Variants in KLRG1 observed in about 807,000 individuals in gnomAD.
The protein encoded by KLRG1 is killer cell lectin-like receptor subfamily G member 1.
KLRG1 carries 16 observed loss-of-function variants against 21.8 expected under a neutral mutation model. That is an observed-to-expected ratio of 0.73 (90% CI 0.50 to 1.11). The LOEUF (loss-of-function observed/expected upper bound fraction) is 1.11. Ranked by LOEUF, KLRG1 falls within the 50% of genes most tolerant of loss-of-function variation. The probability of loss-of-function intolerance (pLI) is 0.00; values close to 1 mark genes in which losing one functional copy is unlikely to be tolerated. For missense variants in KLRG1, 173 were observed against 218.3 expected (o/e 0.79, Z 1.31); for synonymous variants, 69 against 75.9 (o/e 0.91, Z 0.47).
the KLRG1 span, among the ~76,000 whole-genome samples, chr12:9,054,738 T>C: frequency 6.6e-6 from 1 of 152,188 alleles, no homozygotes; most frequent in Non-Finnish European, 1.5e-5. Flanking sequence ...CATTTAAAGT[T>C]GCAGTTTCTA....
chr12:9,161,090 A>C, the KLRG1 span: 2 of 1,600,142 alleles, frequency 1.2e-6, no homozygotes, highest in Admixed American at 3.4e-5. Context: ...GGGAGCTTCA[A>C]GGACAACTGC....
chr12:9,109,238 C>A, the KLRG1 span: 5 of 1,122,482 alleles, frequency 4.5e-6, no homozygotes, highest in Admixed American at 6.0e-5. Flanking sequence ...GCCACTGCTC[C>A]CGGAGAGAGT....
the KLRG1 span, among the ~76,000 whole-genome samples, chr12:9,091,015 TA>T: frequency 6.6e-6 from 1 of 152,256 alleles, no homozygotes; most frequent in East Asian, 1.9e-4. Context: ...TTTGAAGGGT[TA>T]TAAGGGCTAG....
the KLRG1 span, among the ~76,000 whole-genome samples, chr12:9,165,708 C>T: frequency 1.3e-5 from 2 of 152,198 alleles, no homozygotes; most frequent in Non-Finnish European, 2.9e-5. Flanking sequence ...AACAATTAGA[C>T]CACTGGATTA....
the KLRG1 span, among the ~76,000 whole-genome samples, chr12:9,108,407 TGAGCCACCACGCCGGGCCTG>T: frequency 6.6e-6 from 1 of 152,154 alleles, no homozygotes; most frequent in Admixed American, 6.5e-5. Flanking sequence ...ATTACAGGCG[TGAGCCACCACGCCGGGCCTG>T]TTTACTTTTT....
At chr12:9,107,857 A>G in the KLRG1 span, among the ~76,000 whole-genome samples, 1 of 151,652 alleles carries the variant, frequency 6.6e-6, no homozygotes, top group East Asian at 1.9e-4. Flanking sequence ...TTCTTTTATC[A>G]TTTCTTTTTT....
intron 1 of KLRG1, among the ~76,000 whole-genome samples, chr12:8,967,792 A>AT (rs777830125): frequency 3.9e-4 from 59 of 152,328 alleles, no homozygotes; most frequent in Non-Finnish European, 7.3e-4. Flanking sequence ...AGTAAAATGT[A>AT]TGAAAACGGC....
At chr12:9,023,679 A>T in the KLRG1 span, among the ~76,000 whole-genome samples, 6 of 150,788 alleles carry the variant, frequency 4.0e-5, no homozygotes, top group South Asian at 6.3e-4. Flanking sequence ...CCTCAGCCTC[A>T]CAGCTAGCTG....
the KLRG1 span, among the ~76,000 whole-genome samples, chr12:9,207,361 A>G: frequency 6.6e-6 from 1 of 152,202 alleles, no homozygotes; most frequent in African/African-American, 2.4e-5. Flanking sequence ...AGTTCTCACC[A>G]TTCTCTGGAA....
chr12:9,153,124 C>G, the KLRG1 span: 135 of 1,613,728 alleles, frequency 8.4e-5, no homozygotes, highest in Non-Finnish European at 1.1e-4. Context: ...TGGAGCCCTA[C>G]CTGAAGATAC....
At chr12:9,188,043 C>T in the KLRG1 span, among the ~76,000 whole-genome samples, 2 of 152,234 alleles carry the variant, frequency 1.3e-5, no homozygotes, top group South Asian at 2.1e-4. Context: ...GCCAAACGTC[C>T]TTGATGAACA....
intron 3 of KLRG1, among the ~76,000 whole-genome samples, chr12:9,002,579 T>A (rs780605001): frequency 0.014 from 2,082 of 152,126 alleles, 41 homozygotes; most frequent in African/African-American, 0.043. Context: ...TTTGTTGTTG[T>A]TGTTGTTGTT....
the KLRG1 span, among the ~76,000 whole-genome samples, chr12:9,024,546 C>T: frequency 3.3e-5 from 5 of 151,782 alleles, no homozygotes; most frequent in East Asian, 1.9e-4. Context: ...ATACATTTTG[C>T]GTATGTGTGA....
At chr12:9,089,257 G>A in the KLRG1 span, 1 of 1,576,434 alleles carries the variant, frequency 6.3e-7, no homozygotes, top group Non-Finnish European at 8.6e-7. Flanking sequence ...TCAGGCTTTA[G>A]GTAAAAGAAA....
the KLRG1 span, among the ~76,000 whole-genome samples, chr12:9,104,966 T>G: frequency 6.6e-6 from 1 of 152,164 alleles, no homozygotes; most frequent in Admixed American, 6.5e-5. Flanking sequence ...GGTCTCTGCT[T>G]CTCAACCTAG....
chr12:9,076,661 G>A, the KLRG1 span: 1 of 1,124,004 alleles, frequency 8.9e-7, no homozygotes, highest in Non-Finnish European at 1.3e-6. Context: ...GAAGAGAGGA[G>A]ACAGGGATCA....
At chr12:9,038,377 T>A in the KLRG1 span, among the ~76,000 whole-genome samples, 2 of 152,188 alleles carry the variant, frequency 1.3e-5, no homozygotes, top group African/African-American at 2.4e-5. Context: ...AGGTAGAAAT[T>A]CATGTTTATC....
chr12:9,171,977 A>G, the KLRG1 span, among the ~76,000 whole-genome samples: 1 of 152,224 alleles, frequency 6.6e-6, no homozygotes, highest in South Asian at 2.1e-4. Context: ...ATTCAAATTC[A>G]GGAAATGCAG....
chr12:9,072,571 C>T, the KLRG1 span: 1 of 1,599,812 alleles, frequency 6.3e-7, no homozygotes, highest in South Asian at 1.1e-5. Flanking sequence ...TGATCTGTCC[C>T]ATTGTTTTCT....
Sources: allele counts gnomAD v4.1 joint callset (sites outside exome capture counted in the v4.1 genomes callset), GRCh38; gene constraint gnomAD v4.1.1; transcripts MANE v1.5; gene names NCBI Gene and HGNC (gene_info 2026-07-23, HGNC 2026-07-21).